The following TULP4 variants were observed in gnomAD, a reference collection of about 807,000 sequenced individuals.
TULP4 encodes TUB like protein 4.
TULP4 carries 16 observed loss-of-function variants against 129.0 expected under a neutral mutation model. That is an observed-to-expected ratio of 0.12 (90% CI 0.08 to 0.19). The LOEUF is 0.19. TULP4 is among the 10% of genes least tolerant of loss of function. The probability of loss-of-function intolerance (pLI) is 1.00; values close to 1 mark genes in which losing one functional copy is unlikely to be tolerated. For missense variants in TULP4, 1,842 were observed against 2,059.1 expected (o/e 0.89, Z 2.04); for synonymous variants, 998 against 854.0 (o/e 1.17, Z -2.94).
At chr6:158,455,701 C>T (rs988950283) in intron 5 of TULP4, among the ~76,000 whole-genome samples, 2 of 150,236 alleles carry the variant, frequency 1.3e-5, no homozygotes, top group African/African-American at 2.5e-5. Context: ...TGCGCCATTG[C>T]ACTCTAGCCT....
rs1161944355 is a variant in TULP4 at position 158,331,762 on chromosome 6, T to C, written c.252+17494T>C. On this transcript the variant is annotated intron_variant, in intron 1 of 13. Transcript: ENST00000367097. ...ATATATACGTGTATATACACGTGTA[T>C]ATATACACGTATATATACACACACA... 2.7e-4 allele frequency among the ~76,000 whole-genome samples: 6 copies of C among 22,026 alleles called. 1 individual carries two copies. Among genetic ancestry groups the C allele is most frequent in the Non-Finnish European group, 6.3e-4 (6 of 9,492 alleles). 14.4% of individuals were successfully genotyped at this position (22,026 alleles called of 152,430 possible).
chr6:158,331,894 G>T (rs9364952), intron 1 of TULP4, among the ~76,000 whole-genome samples: 87 of 147,636 alleles, frequency 5.9e-4, no homozygotes, highest in African/African-American at 2.1e-3. Flanking sequence ...ATTAACTGCC[G>T]GGCACGGTGG....
At chr6:158,445,042 G>A (rs1171928994) in intron 3 of TULP4, among the ~76,000 whole-genome samples, 3 of 152,110 alleles carry the variant, frequency 2.0e-5, no homozygotes, top group Admixed American at 6.6e-5. Flanking sequence ...TCAAACTCCT[G>A]GCTTCAAGTG....
At chr6:158,361,554 CA>C (rs1267114842) in intron 1 of TULP4, among the ~76,000 whole-genome samples, 2 of 152,154 alleles carry the variant, frequency 1.3e-5, no homozygotes, top group African/African-American at 4.8e-5. Context: ...TTTATTGGCT[CA>C]AAAGTGAATC....
At chr6:158,408,693 C>T (rs909421866) in intron 1 of TULP4, among the ~76,000 whole-genome samples, 9 of 152,294 alleles carry the variant, frequency 5.9e-5, no homozygotes, top group African/African-American at 1.4e-4. Flanking sequence ...CTCCAGAGCC[C>T]GCCTTCCTCA....
intron 1 of TULP4, among the ~76,000 whole-genome samples, chr6:158,326,332 T>C (rs1205698503): frequency 6.6e-6 from 1 of 152,168 alleles, no homozygotes; most frequent in East Asian, 1.9e-4. Context: ...TTTTGTTTTG[T>C]TTTTGTTTTT....
chr6:158,454,024 C>CG (rs902404558), intron 5 of TULP4, among the ~76,000 whole-genome samples: 2 of 147,618 alleles, frequency 1.4e-5, no homozygotes, highest in African/African-American at 5.1e-5. Context: ...CTGCACCGCC[C>CG]CCCCCCAAGT....
chr6:158,335,534 G>A (rs990655385), intron 1 of TULP4, among the ~76,000 whole-genome samples: 2 of 152,218 alleles, frequency 1.3e-5, no homozygotes, highest in East Asian at 1.9e-4. Context: ...TATATCCAGA[G>A]AAGTAACATT....
At chr6:158,397,959 C>A (rs1470367098) in intron 1 of TULP4, 1 of 152,144 alleles carries the variant, frequency 6.6e-6, no homozygotes, top group Non-Finnish European at 1.5e-5. Flanking sequence ...TGTAGATTGG[C>A]AATCTTAAGC....
At chr6:158,381,972 C>T (rs1212363776) in intron 1 of TULP4, among the ~76,000 whole-genome samples, 1 of 152,062 alleles carries the variant, frequency 6.6e-6, no homozygotes, top group South Asian at 2.1e-4. Flanking sequence ...AGACAGTGAG[C>T]TCTTTTAGGG....
intron 11 of TULP4, among the ~76,000 whole-genome samples, chr6:158,497,862 G>A (rs1582881037): frequency 6.6e-6 from 1 of 152,248 alleles, no homozygotes; most frequent in African/African-American, 2.4e-5. Context: ...TGACCGCCAT[G>A]GAGCTAGAAT....
At chr6:158,448,711 A>C (rs1047346061) in intron 3 of TULP4, among the ~76,000 whole-genome samples, 2 of 152,226 alleles carry the variant, frequency 1.3e-5, no homozygotes, top group Non-Finnish European at 2.9e-5. Flanking sequence ...AAACCCCTGC[A>C]AATAGTATAA....
chr6:158,256,336 G>C (rs1359655207), intron 1 of TULP4, among the ~76,000 whole-genome samples: 1 of 152,116 alleles, frequency 6.6e-6, no homozygotes, highest in East Asian at 1.9e-4. Flanking sequence ...CTGTGTGTGT[G>C]TGTATACGTG....
rs892188851 is a variant in TULP4, at chr6:158,313,961, T to A, written c.-56T>A. On this transcript the variant is annotated 5_prime_UTR_variant, in exon 1 of 14. Coordinates refer to ENST00000367097, the MANE Select transcript of TULP4 (RefSeq NM_020245.5). Reference sequence around the variant, plus strand: ...ACATATACCAATGAAAGAAATTGGTTTAAATTTCACAGCATTAACATTACT... The same window carrying A: ...ACATATACCAATGAAAGAAATTGGTATAAATTTCACAGCATTAACATTACT... The A allele has an allele frequency of 5.1e-6, 8 of 1,576,918 alleles. No individual in the cohort carries two copies. Among genetic ancestry groups the A allele is most frequent in the Non-Finnish European group, 6.9e-6 (8 of 1,160,788 alleles).
chr6:158,408,236 A>G (rs979274172), intron 1 of TULP4, among the ~76,000 whole-genome samples: 5 of 152,118 alleles, frequency 3.3e-5, no homozygotes, highest in Admixed American at 3.3e-4. Flanking sequence ...GGAAGGCTTT[A>G]CTCACCAGGC....
At chr6:158,427,603 C>T (rs1468208545) in intron 2 of TULP4, among the ~76,000 whole-genome samples, 1 of 147,756 alleles carries the variant, frequency 6.8e-6, no homozygotes, top group Non-Finnish European at 1.5e-5. Flanking sequence ...AAGCGATTCT[C>T]CTGCCTCAGT....
intron 6 of TULP4, among the ~76,000 whole-genome samples, chr6:158,464,480 G>A (rs113518094): frequency 0.01 from 1,595 of 152,236 alleles, 28 homozygotes; most frequent in African/African-American, 0.037. Context: ...CTTGTTCCCC[G>A]CTGCAACACC....
chr6:158,267,164 A>G (rs987927857), intron 1 of TULP4, among the ~76,000 whole-genome samples: 26 of 152,200 alleles, frequency 1.7e-4, no homozygotes, highest in African/African-American at 6.0e-4. Context: ...AGGCTGAATG[A>G]TATTTCATTG....
At chr6:158,446,028 C>T (rs1363768262) in intron 3 of TULP4, among the ~76,000 whole-genome samples, 1 of 152,140 alleles carries the variant, frequency 6.6e-6, no homozygotes, top group South Asian at 2.1e-4. Context: ...CATTACTTGA[C>T]CAACATTAGG....
Sources: allele counts gnomAD v4.1 joint callset (sites outside exome capture counted in the v4.1 genomes callset), GRCh38; gene constraint gnomAD v4.1.1; transcripts MANE v1.5; gene names NCBI Gene and HGNC (gene_info 2026-07-23, HGNC 2026-07-21).